CCDC77: variants seen among roughly 807,000 people sequenced by gnomAD.
The protein encoded by CCDC77 is coiled-coil domain containing 77.
In CCDC77, 56 loss-of-function variants were observed where a neutral mutation model predicts 66.8. The observed-to-expected ratio is 0.84, with a 90% CI of 0.68 to 1.05. The LOEUF is 1.05. CCDC77 is among the 50% of genes least tolerant of loss of function. The pLI, the probability that CCDC77 is intolerant of heterozygous loss-of-function variation, is 0.00. For synonymous variants in CCDC77, 196 were observed against 195.2 expected, an observed-to-expected ratio of 1.00 and a Z score of -0.03; for missense variants, 570 against 576.8, an observed-to-expected ratio of 0.99 and a Z score of 0.12.
chr12:429,190 A>C (rs535508783), intron 6 of CCDC77, among the ~76,000 whole-genome samples: 4 of 152,156 alleles, frequency 2.6e-5, no homozygotes, highest in Non-Finnish European at 4.4e-5. Context: ...ACTGATTACA[A>C]ATGTAATCCA....
intron 7 of CCDC77, among the ~76,000 whole-genome samples, chr12:431,064 T>TC (rs1226418323): frequency 6.3e-5 from 3 of 47,514 alleles, no homozygotes; most frequent in Non-Finnish European, 1.3e-4. Context: ...CAAGACTATC[T>TC]CCAAAAAAAA....
chr12:407,822 C>G (rs1945025608), intron 2 of CCDC77, among the ~76,000 whole-genome samples: 1 of 135,074 alleles, frequency 7.4e-6, no homozygotes, highest in Non-Finnish European at 1.5e-5. Context: ...GAGTCTCGCT[C>G]TGTTGCCCAG....
At chr12:406,659 CA>C (rs767476524) in intron 2 of CCDC77, among the ~76,000 whole-genome samples, 1 of 152,078 alleles carries the variant, frequency 6.6e-6, no homozygotes, top group Non-Finnish European at 1.5e-5. Flanking sequence ...GAAAATGGAA[CA>C]GGGGGACCAG....
At chr12:416,344 GGTGTGT>G (rs1174833426) in intron 4 of CCDC77, among the ~76,000 whole-genome samples, 93 of 37,062 alleles carry the variant, frequency 2.5e-3, no homozygotes, top group East Asian at 0.011. Flanking sequence ...GGTGTGTGGG[GGTGTGT>G]GTGTGTGTGT....
intron 8 of CCDC77, among the ~76,000 whole-genome samples, chr12:432,817 G>A (rs1414785659): frequency 6.6e-6 from 1 of 152,184 alleles, no homozygotes; most frequent in African/African-American, 2.4e-5. Flanking sequence ...CGAGTTGATT[G>A]CTGGAGCCCA....
At chr12:392,123 A>G (rs995685240) in intron 1 of CCDC77, among the ~76,000 whole-genome samples, 2 of 152,244 alleles carry the variant, frequency 1.3e-5, no homozygotes, top group Non-Finnish European at 2.9e-5. Flanking sequence ...ACTGTAGTTT[A>G]AAAGGATCAT....
chr12:409,248 A>G lies in CCDC77; in HGVS notation c.-16-120A>G, dbSNP rs1191650577. 3 of 720,590 alleles carry G rather than the reference A, an allele frequency of 4.2e-6. No individual in the cohort carries two copies. In the East Asian group the frequency reaches 8.0e-5, roughly 19 times the overall value. 44.6% of individuals were successfully genotyped at this position (720,590 alleles called of 1,614,324 possible). A position where few individuals can be genotyped will look rare whatever the true frequency, so the allele number is the denominator to read the frequency against. On this transcript the variant is annotated intron_variant, in intron 2 of 12. Coordinates refer to ENST00000239830, the MANE Select transcript of CCDC77 (RefSeq NM_032358.4). Reference sequence around the variant, plus strand: ...AAGAAAAAAAAAACTACATTTTAAAACATCAGATTCTTTCCAAGAAGCAAA... The same window carrying G: ...AAGAAAAAAAAAACTACATTTTAAAGCATCAGATTCTTTCCAAGAAGCAAA...
chr12:433,623 G>A (rs1014981163), intron 9 of CCDC77: 17 of 303,320 alleles, frequency 5.6e-5, no homozygotes, highest in African/African-American at 2.9e-4. Context: ...AATCGCTCCT[G>A]CCTGGGTGAC....
chr12:413,398 A>G (rs981646889), intron 4 of CCDC77, among the ~76,000 whole-genome samples: 4 of 145,506 alleles, frequency 2.7e-5, no homozygotes, highest in South Asian at 2.2e-4. Flanking sequence ...CACCATGCCC[A>G]GCTAATTTTT....
At position 428,879 on chromosome 12, in the gene CCDC77, G is replaced by A; in HGVS notation, c.510+14G>A. ...CCTCCTCACAAAGTAAGTAATCTTT[G>A]GTGTAGCATGGTGAGTGTGGCTTTA... On this transcript the variant is annotated intron_variant, in intron 6 of 12. Transcript: ENST00000239830. 1 of 1,514,874 alleles carries A rather than the reference G, an allele frequency of 6.6e-7. No homozygotes were observed. The highest frequency in any genetic ancestry group is 9.1e-7 in the Non-Finnish European group (1 of 1,095,330). The allele number at this position is 1,514,874 out of a possible 1,614,324, so 93.8% of individuals were successfully genotyped here.
At chr12:435,445 T>G (rs556145539) in intron 9 of CCDC77, among the ~76,000 whole-genome samples, 1 of 152,388 alleles carries the variant, frequency 6.6e-6, no homozygotes, top group South Asian at 2.1e-4. Flanking sequence ...CTTAACTTTC[T>G]TATTCCTTAA....
Position 440,707 on chromosome 12 carries a change from C to T in CCDC77, c.1132C>T (p.Arg378Cys), listed in dbSNP as rs1030728081. Residue 378 changes from arginine (R) to cysteine (C), a missense_variant, in exon 11 of 13, where the codon CGT (arginine) becomes TGT (cysteine). Arg to Cys is a radical substitution (Grantham distance 180, BLOSUM62 -3). Transcript: ENST00000239830. The part of the protein sequence containing the change: ...ISLEEELARI[R>C]EEEGMRREIF... ...CTTAGAAGAAGAACTTGCCCGAATT[C>T]GTGAGGAAGAGGGAATGAGGAGAGA... The T allele has an allele frequency of 5.0e-6, 8 of 1,614,054 alleles. No homozygotes were observed. Among genetic ancestry groups the T allele is most frequent in the Non-Finnish European group, 5.9e-6 (7 of 1,180,036 alleles).
At chr12:437,902 A>G (rs969064981) in intron 9 of CCDC77, among the ~76,000 whole-genome samples, 13 of 151,904 alleles carry the variant, frequency 8.6e-5, no homozygotes, top group African/African-American at 2.9e-4. Context: ...AGATTTTGAT[A>G]TAGGCAGTTC....
intron 1 of CCDC77, among the ~76,000 whole-genome samples, chr12:390,991 G>A (rs562015505): frequency 1.3e-5 from 2 of 152,144 alleles, no homozygotes; most frequent in Admixed American, 1.3e-4. Context: ...ACTCCAAAAT[G>A]TACAAGATCA....
Position 410,170 on chromosome 12 carries a change from A to G in CCDC77, c.38+749A>G, listed in dbSNP as rs146609911. On this transcript the variant is annotated intron_variant, in intron 3 of 12. Transcript: ENST00000239830. ...AACTATAACTCAGAGCTTCTGGTAT[A>G]GTTTCTCCACTGTACTATTTTGTTA... Among the ~76,000 whole-genome samples the G allele has an allele frequency of 5.4e-3, 821 of 152,226 alleles. 7 individuals are homozygous for G. The highest frequency in any genetic ancestry group is 0.018 in the African/African-American group (736 of 41,536).
In CCDC77 at chr12:440,898, G is replaced by A. The variant is rs1945846303; in HGVS notation, c.1222G>A (p.Ala408Thr). Reference protein sequence around the residue: ...RLQIMTKRYEALERRRILEVE... With the variant: ...RLQIMTKRYETLERRRILEVE... ...ACAGATAATGACAAAACGCTATGAG[G>A]CATTGGAGCGTCGACGTATCCTGGA... Residue 408 changes from alanine (A) to threonine (T), a missense_variant, in exon 12 of 13, where the codon GCA becomes ACA. Ala to Thr is a moderately conservative substitution (Grantham distance 58, BLOSUM62 0). Coordinates refer to ENST00000239830, the MANE Select transcript of CCDC77 (RefSeq NM_032358.4). 2.5e-6 allele frequency: 4 copies of A among 1,613,726 alleles called. No individual in the cohort carries two copies. Among genetic ancestry groups the A allele is most frequent in the African/African-American group, 2.7e-5 (2 of 74,932 alleles).
In CCDC77 at chr12:416,219, G is replaced by A. The variant is rs188670924; in HGVS notation, c.271-2275G>A. Among the ~76,000 whole-genome samples, 401 of 150,890 alleles carry A rather than the reference G, an allele frequency of 2.7e-3. 2 individuals are homozygous for A. The highest frequency in any genetic ancestry group is 9.3e-3 in the African/African-American group (384 of 41,098). On this transcript the variant is annotated intron_variant, in intron 4 of 12. Coordinates refer to ENST00000239830, the MANE Select transcript of CCDC77 (RefSeq NM_032358.4). ...ACCTCCCAAAGTGTTGGGATTACGGGCGTGAGTCACTGTGCCCAGCCTTTA... is the reference window on the plus strand; with the variant it reads ...ACCTCCCAAAGTGTTGGGATTACGGACGTGAGTCACTGTGCCCAGCCTTTA...
intron 1 of CCDC77, 109 bp from the exon 2 acceptor site, chr12:405,402 A>C (rs1382446250): frequency 6.6e-6 from 1 of 152,218 alleles, no homozygotes; most frequent in Non-Finnish European, 1.5e-5. Context: ...TTGAATTTAC[A>C]CTTTGAATGA....
Position 411,882 on chromosome 12 carries a change from C to G in CCDC77, c.174C>G (p.Leu58=), listed in dbSNP as rs1245960835. Reference sequence around the variant, plus strand: ...CCAAACTCCATCCTTCTAAGGAGCTCCTGGAATATTATCAAAAGAAGATGG... The same window carrying G: ...CCAAACTCCATCCTTCTAAGGAGCTGCTGGAATATTATCAAAAGAAGATGG... ...RLAKLHPSKE[L]LEYYQKKMAE... is the part of the protein sequence containing the mutation. Residue 58 remains leucine (L), a synonymous_variant, in exon 4 of 13, where the codon CTC becomes CTG. Coordinates refer to ENST00000239830, the MANE Select transcript of CCDC77 (RefSeq NM_032358.4). 2.5e-6 allele frequency: 4 copies of G among 1,613,690 alleles called. No individual in the cohort carries two copies. The East Asian group carries it at 8.9e-5, about 36-fold the overall frequency.
Sources: allele counts gnomAD v4.1 joint callset (sites outside exome capture counted in the v4.1 genomes callset), GRCh38; gene constraint gnomAD v4.1.1; transcripts MANE v1.5; gene names NCBI Gene and HGNC (gene_info 2026-07-23, HGNC 2026-07-21).